The following HMGN5 variants were observed in gnomAD, a reference collection of about 807,000 sequenced individuals.
HMGN5 encodes high mobility group nucleosome-binding domain-containing protein 5.
HMGN5 carries 4 observed loss-of-function variants against 9.5 expected under a neutral mutation model. The ratio of observed to expected loss-of-function variants is 0.42; its 90% CI spans 0.21 to 0.96. HMGN5 has a LOEUF of 0.96. Among genes scored for constraint, HMGN5 ranks in the 40% least tolerant of loss-of-function variants. The pLI, the probability that HMGN5 is intolerant of heterozygous loss-of-function variation, is 0.30. For missense variants in HMGN5, 192 were observed against 187.5 expected, an observed-to-expected ratio of 1.02 and a Z score of -0.14; for synonymous variants, 55 against 57.1, an observed-to-expected ratio of 0.96 and a Z score of 0.16.
intron 1 of HMGN5, among the ~76,000 whole-genome samples, chrX:81,162,998 A>G (rs970694836): frequency 9.0e-6 from 1 of 111,414 alleles, no homozygotes; most frequent in East Asian, 2.8e-4. Flanking sequence ...GTTCCCCTCC[A>G]TTCAATCTGA....
At chrX:81,187,268 A>G (rs1349684285) in intron 1 of HMGN5, among the ~76,000 whole-genome samples, 1 of 111,469 alleles carries the variant, frequency 9.0e-6, no homozygotes, top group Non-Finnish European at 1.9e-5. Flanking sequence ...TCTTTCTGGA[A>G]GAGCTGTCCA....
At chrX:81,123,339 T>G (rs1008708878) in intron 1 of HMGN5, among the ~76,000 whole-genome samples, 3 of 111,304 alleles carry the variant, frequency 2.7e-5, no homozygotes, top group Admixed American at 1.9e-4. Context: ...AACTTCATAC[T>G]GCATTCTAAT....
intron 1 of HMGN5, among the ~76,000 whole-genome samples, chrX:81,176,671 G>C (rs2075442951): frequency 9.0e-6 from 1 of 111,579 alleles, no homozygotes. Flanking sequence ...TTGAAAAGTG[G>C]AAGAAAGGCT....
chrX:81,117,085 A>T (rs1376172485), intron 5 of HMGN5, among the ~76,000 whole-genome samples: 4 of 111,232 alleles, frequency 3.6e-5, no homozygotes, highest in Non-Finnish European at 7.5e-5. Context: ...GGATGTTACA[A>T]GGAGAAAATG....
chrX:81,190,464 C>T (rs753428281), intron 1 of HMGN5, among the ~76,000 whole-genome samples: 1 of 111,116 alleles, frequency 9.0e-6, no homozygotes, highest in African/African-American at 3.3e-5. Context: ...TAGTTCTCAC[C>T]TCCCAACCCC....
At chrX:81,145,828 T>TA (rs765139667) in intron 1 of HMGN5, among the ~76,000 whole-genome samples, 20 of 109,866 alleles carry the variant, frequency 1.8e-4, no homozygotes, top group African/African-American at 6.3e-4. Context: ...AAATGGAAAT[T>TA]AAAAAAAAGC....
At chrX:81,118,564 C>T (rs779064918) in intron 4 of HMGN5, 79 bp from the exon 5 acceptor site, 1 of 885,017 alleles carries the variant, frequency 1.1e-6, no homozygotes, top group African/African-American at 2.0e-5. Context: ...GAAATCCAAC[C>T]TCTGAATTAA....
At chrX:81,128,596 G>A (rs2075290907) in intron 1 of HMGN5, among the ~76,000 whole-genome samples, 1 of 110,949 alleles carries the variant, frequency 9.0e-6, no homozygotes, top group African/African-American at 3.3e-5. Context: ...TAAATTTATT[G>A]TAAGATTGGA....
intron 1 of HMGN5, among the ~76,000 whole-genome samples, chrX:81,175,900 A>G (rs776524235): frequency 9.0e-6 from 1 of 111,669 alleles, no homozygotes; most frequent in African/African-American, 3.3e-5. Context: ...TGCATTTCCA[A>G]CTGAGCTCTG....
At chrX:81,192,634 C>A (rs1337327090) in intron 1 of HMGN5, among the ~76,000 whole-genome samples, 1 of 111,790 alleles carries the variant, frequency 8.9e-6, no homozygotes, top group Non-Finnish European at 1.9e-5. Flanking sequence ...GAAATACATT[C>A]TTTAGTATTT....
At chrX:81,141,991 A>G (rs1315909428) in intron 1 of HMGN5, among the ~76,000 whole-genome samples, 2 of 112,128 alleles carry the variant, frequency 1.8e-5, no homozygotes, top group Non-Finnish European at 3.8e-5. Context: ...ATTCTATCAG[A>G]TAAATTTAAC....
chrX:81,141,664 C>T (rs2075330472), intron 1 of HMGN5, among the ~76,000 whole-genome samples: 1 of 111,727 alleles, frequency 9.0e-6, no homozygotes, highest in African/African-American at 3.3e-5. Flanking sequence ...CATCCCAAAA[C>T]AGATACAGCT....
chrX:81,118,010 T>C (rs1004256357), intron 5 of HMGN5, among the ~76,000 whole-genome samples: 2 of 109,610 alleles, frequency 1.8e-5, no homozygotes, highest in Admixed American at 9.8e-5. Flanking sequence ...ACATCTTACA[T>C]ATATTATATA....
chrX:81,130,848 C>A (rs772928406), intron 1 of HMGN5, among the ~76,000 whole-genome samples: 2 of 111,213 alleles, frequency 1.8e-5, no homozygotes, highest in African/African-American at 6.5e-5. Context: ...GAAGCTCACA[C>A]TCTAATAAAA....
At chrX:81,130,881 C>A (rs1198345067) in intron 1 of HMGN5, among the ~76,000 whole-genome samples, 2 of 111,109 alleles carry the variant, frequency 1.8e-5, no homozygotes, top group Non-Finnish European at 3.8e-5. Flanking sequence ...ATAAAAATTA[C>A]ACTGTAATCT....
At chrX:81,116,921 T>C (rs1225756919) in intron 5 of HMGN5, among the ~76,000 whole-genome samples, 3 of 111,471 alleles carry the variant, frequency 2.7e-5, no homozygotes, top group Non-Finnish European at 5.7e-5. Context: ...TACCTGTGTA[T>C]GTAATAGAAA....
chrX:81,185,126 C>A (rs5959834), intron 1 of HMGN5, among the ~76,000 whole-genome samples: 1 of 111,261 alleles, frequency 9.0e-6, no homozygotes, highest in Non-Finnish European at 1.9e-5. Flanking sequence ...TGGTTCCATA[C>A]AAATTTTTAG....
chrX:81,132,267 C>T (rs1266695653), intron 1 of HMGN5, among the ~76,000 whole-genome samples: 10 of 111,404 alleles, frequency 9.0e-5, no homozygotes, highest in Non-Finnish European at 1.3e-4. Context: ...GAATCACTAT[C>T]GTTAAAATGG....
intron 1 of HMGN5, among the ~76,000 whole-genome samples, chrX:81,167,396 G>T (rs1326109372): frequency 2.7e-5 from 3 of 109,577 alleles, no homozygotes; most frequent in South Asian, 3.9e-4. Context: ...CAATTATTTT[G>T]ACTACTATCC....
Sources: allele counts gnomAD v4.1 joint callset (sites outside exome capture counted in the v4.1 genomes callset), GRCh38; gene constraint gnomAD v4.1.1; transcripts MANE v1.5; gene names NCBI Gene and HGNC (gene_info 2026-07-23, HGNC 2026-07-21).